Variants in CDH12 observed in about 807,000 individuals in gnomAD.
The protein encoded by CDH12 is cadherin-12.
Under a neutral mutation model 74.1 loss-of-function variants are expected in CDH12, and 41 were observed. The observed-to-expected ratio is 0.55, with a 90% CI of 0.43 to 0.72. The LOEUF (loss-of-function observed/expected upper bound fraction) is 0.72, where lower values mean the gene tolerates loss of function less well. CDH12 is among the 30% of genes least tolerant of loss of function. The pLI is 0.00. For missense variants in CDH12, 945 were observed against 977.2 expected (o/e 0.97, Z 0.44); for synonymous variants, 399 against 355.0 (o/e 1.12, Z -1.39).
chr5:22,252,303 C>T (rs539962037), intron 3 of CDH12, among the ~76,000 whole-genome samples: 7 of 151,458 alleles, frequency 4.6e-5, no homozygotes, highest in African/African-American at 1.5e-4. Context: ...TATAATAATG[C>T]AACAACATTT....
intron 1 of CDH12, among the ~76,000 whole-genome samples, chr5:22,510,370 A>T (rs1736550630): frequency 6.6e-6 from 1 of 152,080 alleles, no homozygotes; most frequent in African/African-American, 2.4e-5. Context: ...AAATTGTTAT[A>T]AAAATATGGA....
intron 6 of CDH12, among the ~76,000 whole-genome samples, chr5:21,935,991 T>C (rs1277276233): frequency 6.6e-6 from 1 of 152,226 alleles, no homozygotes; most frequent in Non-Finnish European, 1.5e-5. Context: ...TATTCATTCA[T>C]CTCTTGATGG....
At chr5:22,448,106 T>C in intron 2 of CDH12, among the ~76,000 whole-genome samples, 1 of 148,092 alleles carries the variant, frequency 6.8e-6, no homozygotes. Context: ...TGAGCTATGA[T>C]CACATCATAC....
rs527806167 is a variant in CDH12 at position 22,669,079 on chromosome 5, A to T, written c.-522-163715T>A. 1.1e-4 allele frequency among the ~76,000 whole-genome samples: 17 copies of T among 152,252 alleles called. No individual in the cohort carries two copies. The South Asian group carries it at 3.5e-3, about 32-fold the overall frequency. Reference sequence around the variant, plus strand: ...AACACTTGCTCTTTTCCTCTGGCTGATGAAAATAAAATTACATTTTTTTTT... The same window carrying T: ...AACACTTGCTCTTTTCCTCTGGCTGTTGAAAATAAAATTACATTTTTTTTT... On this transcript the variant is annotated intron_variant, in intron 1 of 14. Coordinates refer to ENST00000382254, the MANE Select transcript of CDH12 (RefSeq NM_004061.5).
intron 6 of CDH12, among the ~76,000 whole-genome samples, chr5:21,968,658 A>C (rs1374573662): frequency 6.6e-6 from 1 of 152,118 alleles, no homozygotes; most frequent in East Asian, 1.9e-4. Context: ...CATTTTTTTC[A>C]ACAGGAATGT....
chr5:21,845,611 G>T (rs1750125064), intron 7 of CDH12, among the ~76,000 whole-genome samples: 1 of 146,826 alleles, frequency 6.8e-6, no homozygotes. Flanking sequence ...GCTTCAGGAA[G>T]AAATGACTAT....
chr5:22,033,536 A>G (rs1738971513), intron 5 of CDH12, among the ~76,000 whole-genome samples: 1 of 152,230 alleles, frequency 6.6e-6, no homozygotes, highest in African/African-American at 2.4e-5. Context: ...ATAAACACCA[A>G]TTTGAATCTG....
At chr5:22,541,982 C>CA (rs1394146417) in intron 1 of CDH12, among the ~76,000 whole-genome samples, 7 of 152,276 alleles carry the variant, frequency 4.6e-5, no homozygotes, top group African/African-American at 1.7e-4. Context: ...TCTGTTAGGG[C>CA]TACAAAGCCA....
chr5:22,478,387 C>T (rs1437639852), intron 2 of CDH12, among the ~76,000 whole-genome samples: 1 of 124,516 alleles, frequency 8.0e-6, no homozygotes, highest in Non-Finnish European at 1.6e-5. Flanking sequence ...CACTGCCCTC[C>T]AGCCTGGGCG....
intron 1 of CDH12, among the ~76,000 whole-genome samples, chr5:22,837,822 A>G (rs1736899926): frequency 6.6e-6 from 1 of 152,146 alleles, no homozygotes; most frequent in African/African-American, 2.4e-5. Flanking sequence ...ATAGAAGCCT[A>G]ATTTTGCTAT....
At chr5:22,480,052 AT>A (rs1475595804) in intron 2 of CDH12, among the ~76,000 whole-genome samples, 3 of 152,172 alleles carry the variant, frequency 2.0e-5, no homozygotes, top group Non-Finnish European at 4.4e-5. Flanking sequence ...AGATTTTAAA[AT>A]GTCAGAACTT....
intron 5 of CDH12, among the ~76,000 whole-genome samples, chr5:22,006,047 G>C (rs1736937025): frequency 6.6e-6 from 1 of 152,000 alleles, no homozygotes; most frequent in African/African-American, 2.4e-5. Context: ...TATTTCTTTG[G>C]CTTCTGAGGC....
At chr5:22,463,923 T>C (rs1042434919) in intron 2 of CDH12, among the ~76,000 whole-genome samples, 1 of 152,208 alleles carries the variant, frequency 6.6e-6, no homozygotes, top group African/African-American at 2.4e-5. Flanking sequence ...TGTAACTTTC[T>C]TCAATGGTTA....
chr5:22,615,388 T>C (rs1737645121), intron 1 of CDH12, among the ~76,000 whole-genome samples: 1 of 152,114 alleles, frequency 6.6e-6, no homozygotes, highest in Admixed American at 6.6e-5. Context: ...TACTAAATTG[T>C]TACTCTCTCT....
chr5:22,504,487 C>G (rs1736300660), intron 2 of CDH12, among the ~76,000 whole-genome samples: 1 of 152,072 alleles, frequency 6.6e-6, no homozygotes, highest in Non-Finnish European at 1.5e-5. Context: ...TCTGCCTTAT[C>G]TCTTCAACCT....
At position 22,022,407 on chromosome 5, in the gene CDH12, C is replaced by A. The variant is rs1738048404; in HGVS notation, c.232-47022G>T. Among the ~76,000 whole-genome samples, 3 of 152,124 alleles carry A rather than the reference C, an allele frequency of 2.0e-5. No homozygotes were observed. In the South Asian group the frequency reaches 6.2e-4, roughly 31 times the overall value. On this transcript the variant is annotated intron_variant, in intron 5 of 14. Transcript: ENST00000382254. ...GGCTTGCTTCCCCTTTGCCCTTCCACCATGATTGTTAAGTTTCCTGAGGCC... is the reference window on the plus strand; with the variant it reads ...GGCTTGCTTCCCCTTTGCCCTTCCAACATGATTGTTAAGTTTCCTGAGGCC...
intron 5 of CDH12, among the ~76,000 whole-genome samples, chr5:21,986,762 TAAC>T (rs1030648278): frequency 6.6e-6 from 1 of 152,154 alleles, no homozygotes; most frequent in African/African-American, 2.4e-5. Flanking sequence ...CAGCTATTAA[TAAC>T]AATACATTAC....
Position 22,440,121 on chromosome 5 carries a change from A to G in CDH12, c.-427-34770T>C, listed in dbSNP as rs1308000829. 3.3e-5 allele frequency among the ~76,000 whole-genome samples: 5 copies of G among 152,128 alleles called. No homozygotes were observed. The South Asian group carries it at 8.3e-4, about 25-fold the overall frequency. On this transcript the variant is annotated intron_variant, in intron 2 of 14. Transcript: ENST00000382254. The stretch of plus-strand genomic sequence containing the variant: ...AAGAACATAAGATGTGGTTCTTAAC[A>G]ATAAACTAATCTATTGAGAAGTGTT...
chr5:22,212,977 C>A (rs977829686), intron 3 of CDH12, among the ~76,000 whole-genome samples: 1 of 152,134 alleles, frequency 6.6e-6, no homozygotes, highest in Non-Finnish European at 1.5e-5. Flanking sequence ...TGCTAGCCAT[C>A]GCAGGACTTA....
Sources: gnomAD v4.1 joint callset for allele counts (sites outside exome capture counted in the v4.1 genomes callset) on GRCh38, gnomAD v4.1.1 for gene constraint, MANE v1.5 for transcripts, NCBI Gene and HGNC (gene_info 2026-07-23, HGNC 2026-07-21) for gene names.